Variants in DSCAML1 observed in about 807,000 individuals in gnomAD.
The protein encoded by DSCAML1 is cell adhesion molecule DSCAML1.
DSCAML1 carries 38 observed loss-of-function variants against 200.5 expected under a neutral mutation model. The observed-to-expected ratio is 0.19, with a 90% CI of 0.15 to 0.25. DSCAML1 has a LOEUF of 0.25. Ranked by LOEUF, DSCAML1 falls within the 10% of genes least tolerant of loss-of-function variation. DSCAML1 has a pLI of 1.00. For synonymous variants in DSCAML1, 1,215 were observed against 1,165.0 expected, an observed-to-expected ratio of 1.04 and a Z score of -0.87; for missense variants, 2,223 against 2,858.8, an observed-to-expected ratio of 0.78 and a Z score of 5.07.
chr11:117,570,206 T>C (rs1382356049), intron 3 of DSCAML1, among the ~76,000 whole-genome samples: 2 of 151,974 alleles, frequency 1.3e-5, no homozygotes, highest in Non-Finnish European at 2.9e-5. Flanking sequence ...ATCCTGGAGA[T>C]GATGGGGTAG....
intron 3 of DSCAML1, among the ~76,000 whole-genome samples, chr11:117,740,915 T>C (rs1265553120): frequency 2.0e-5 from 3 of 152,144 alleles, no homozygotes; most frequent in African/African-American, 7.2e-5. Context: ...AACAAGTGCA[T>C]GAGAACAGCA....
chr11:117,428,160 T>C lies in DSCAML1; in HGVS notation c.*168A>G. The stretch of plus-strand genomic sequence containing the variant: ...ATGGAGAAGAAGAAAATAGTTTCAT[T>C]TGTACAAAAGAGTTCTATGTACAGG... On this transcript the variant is annotated 3_prime_UTR_variant, in exon 33 of 33. Transcript: ENST00000651296. 2 of 554,578 alleles carry C rather than the reference T, an allele frequency of 3.6e-6. No homozygotes were observed. The highest frequency in any genetic ancestry group is 7.5e-5 in the Admixed American group (2 of 26,526). The allele number at this position is 554,578 out of a possible 1,614,324, so 34.4% of individuals were successfully genotyped here.
At chr11:117,475,775 C>G (rs946584968) in intron 14 of DSCAML1, among the ~76,000 whole-genome samples, 4 of 152,148 alleles carry the variant, frequency 2.6e-5, no homozygotes, top group African/African-American at 9.7e-5. Flanking sequence ...GGGGGAGTGT[C>G]CCGGAGAACA....
In DSCAML1 at chr11:117,503,776, G is replaced by A; in HGVS notation, c.2359+69C>T. On this transcript the variant is annotated intron_variant, in intron 11 of 32. Transcript: ENST00000651296. The surrounding 1 kb of genome is among the most constrained non-coding windows in gnomAD (Gnocchi z 5.2). ...ACGACGGAGACTAAGAGAGTAGGCA[G>A]GGAGAGTGCAGAGCCGGGGCTTGGC... The A allele has an allele frequency of 6.6e-7, 1 of 1,505,966 alleles. No individual in the cohort carries two copies. Among genetic ancestry groups the A allele is most frequent in the Non-Finnish European group, 9.0e-7 (1 of 1,107,852 alleles). The allele number at this position is 1,505,966 out of a possible 1,614,324, so 93.3% of individuals were successfully genotyped here.
intron 2 of DSCAML1, among the ~76,000 whole-genome samples, chr11:117,779,015 G>T (rs1216329986): frequency 6.6e-6 from 1 of 152,198 alleles, no homozygotes; most frequent in Non-Finnish European, 1.5e-5. Flanking sequence ...CCCGTTCCCA[G>T]CTACTTTAAA....
At chr11:117,666,018 G>T (rs1167521045) in intron 3 of DSCAML1, among the ~76,000 whole-genome samples, 1 of 152,204 alleles carries the variant, frequency 6.6e-6, no homozygotes, top group African/African-American at 2.4e-5. Flanking sequence ...CTTTTGGGCA[G>T]TTGGTCAGTG....
chr11:117,452,285 A>G (rs182263607), intron 19 of DSCAML1, among the ~76,000 whole-genome samples: 360 of 152,276 alleles, frequency 2.4e-3, no homozygotes, highest in Non-Finnish European at 4.2e-3. Context: ...TTATATTTTG[A>G]GGCGATATTA....
At position 117,471,862 on chromosome 11, in the gene DSCAML1, T is replaced by A; in HGVS notation, c.2953+7A>T. 1.3e-6 allele frequency: 2 copies of A among 1,515,084 alleles called. No individual in the cohort carries two copies. Among genetic ancestry groups the A allele is most frequent in the East Asian group, 4.5e-5 (2 of 44,530 alleles). 93.9% of individuals were successfully genotyped at this position (1,515,084 alleles called of 1,614,324 possible). ...CATGGGCAGGGCAGGCTGGGTGAGG[T>A]GCTCACCGGCCTCCTCAGTGCTGAT... On this transcript the variant is annotated splice_region_variant and intron_variant, in intron 15 of 32. Transcript: ENST00000651296.
chr11:117,471,051 C>G (rs1165388910), intron 15 of DSCAML1, among the ~76,000 whole-genome samples: 2 of 152,156 alleles, frequency 1.3e-5, no homozygotes, highest in Non-Finnish European at 2.9e-5. Context: ...GTGTTATGAC[C>G]AGAAAGGGGT....
At chr11:117,758,526 C>T (rs1017046230) in intron 3 of DSCAML1, among the ~76,000 whole-genome samples, 3 of 151,782 alleles carry the variant, frequency 2.0e-5, no homozygotes, top group Middle Eastern at 3.4e-3. Context: ...CTCAGCCTCC[C>T]GAGTAGCTGG....
intron 3 of DSCAML1, among the ~76,000 whole-genome samples, chr11:117,618,094 T>G (rs943079969): frequency 1.3e-5 from 2 of 152,192 alleles, no homozygotes; most frequent in African/African-American, 4.8e-5. Flanking sequence ...AAAAGGACAA[T>G]TGCCTAGGGA....
At chr11:117,740,508 A>G (rs1764725677) in intron 3 of DSCAML1, among the ~76,000 whole-genome samples, 1 of 152,128 alleles carries the variant, frequency 6.6e-6, no homozygotes, top group South Asian at 2.1e-4. Flanking sequence ...TCTCACACTG[A>G]AAGTCTTCAT....
intron 1 of DSCAML1, among the ~76,000 whole-genome samples, chr11:117,804,649 G>A (rs60942267): frequency 1.3e-5 from 2 of 152,126 alleles, no homozygotes; most frequent in African/African-American, 4.8e-5. Context: ...GCAATATCTC[G>A]TCCGGGCATG....
chr11:117,738,714 G>A (rs917701619), intron 3 of DSCAML1, among the ~76,000 whole-genome samples: 28 of 152,112 alleles, frequency 1.8e-4, no homozygotes, highest in African/African-American at 6.0e-4. Context: ...GAGCCTCTCC[G>A]AGAGTAACTT....
At chr11:117,718,221 C>T (rs954148998) in intron 3 of DSCAML1, among the ~76,000 whole-genome samples, 5 of 152,216 alleles carry the variant, frequency 3.3e-5, no homozygotes, top group Admixed American at 6.5e-5. Context: ...TCACGCACCC[C>T]GCCATCCCCC....
At chr11:117,551,949 G>A (rs528425590) in intron 3 of DSCAML1, among the ~76,000 whole-genome samples, 7 of 151,734 alleles carry the variant, frequency 4.6e-5, no homozygotes, top group East Asian at 3.9e-4. Context: ...AGAGATCTCC[G>A]TGGCTAATCC....
At chr11:117,484,097 CTCCT>C (rs2048989392) in intron 11 of DSCAML1, among the ~76,000 whole-genome samples, 1 of 149,076 alleles carries the variant, frequency 6.7e-6, no homozygotes, top group Non-Finnish European at 1.5e-5. Flanking sequence ...GCCCTTTCTC[CTCCT>C]TCCTTCCGGG....
rs759222737 is a variant in DSCAML1 at position 117,518,745 on chromosome 11, C to G, written c.1231G>C (p.Val411Leu). ...IALEDGTPRI[V>L]SSFSEKVVNP... ...ACCACCTTCTCGCTGAAGGACGAGA[C>G]GATGCGGGGCGTGCCATCTGCAGGG... is the stretch of plus-strand genomic sequence containing the variant. The change falls in exon 7 of 33, where the codon GTC becomes CTC. Residue 411 changes from valine to leucine, a missense_variant. This residue lies in a region of DSCAML1 where 579 missense variants were observed against 721.5 expected (regional missense o/e 0.80). Coordinates refer to ENST00000651296, the MANE Select transcript of DSCAML1 (RefSeq NM_020693.4). The surrounding 1 kb of genome is among the most constrained non-coding windows in gnomAD (Gnocchi z 6.3). 3 of 1,611,688 alleles carry G rather than the reference C, an allele frequency of 1.9e-6. No homozygotes were observed. In the African/African-American group the frequency reaches 4.0e-5, roughly 22 times the overall value.
At chr11:117,704,437 GCACA>G (rs1347033001) in intron 3 of DSCAML1, among the ~76,000 whole-genome samples, 3 of 151,860 alleles carry the variant, frequency 2.0e-5, no homozygotes, top group Non-Finnish European at 4.4e-5. Context: ...GTGCACGCGC[GCACA>G]CACACAAATT....
Sources: allele counts gnomAD v4.1 joint callset (sites outside exome capture counted in the v4.1 genomes callset), GRCh38; gene constraint gnomAD v4.1.1; regional missense constraint gnomAD v4.1.1; non-coding constraint Gnocchi (gnomAD v3.1); transcripts MANE v1.5; gene names NCBI Gene and HGNC (gene_info 2026-07-23, HGNC 2026-07-21).